Variants in ATAD2 observed in about 807,000 individuals in gnomAD.
ATAD2 encodes the protein ATPase family AAA domain containing 2, also known as ATPase family AAA domain-containing protein 2.
ATAD2 carries 62 observed loss-of-function variants against 168.9 expected under a neutral mutation model. That is an observed-to-expected ratio of 0.37 (90% confidence interval 0.30 to 0.45). The LOEUF is 0.45. Ranked by LOEUF, ATAD2 falls within the 20% of genes least tolerant of loss-of-function variation. The probability of loss-of-function intolerance (pLI) is 1.00; values close to 1 mark genes in which losing one functional copy is unlikely to be tolerated. For synonymous variants in ATAD2, 613 were observed against 571.6 expected, an observed-to-expected ratio of 1.07 and a Z score of -1.03; for missense variants, 1,419 against 1,667.8, an observed-to-expected ratio of 0.85 and a Z score of 2.60.
Position 123,339,394 on chromosome 8 carries a change from G to A in ATAD2, c.2771C>T (p.Pro924Leu), listed in dbSNP as rs1461653121. 2.5e-6 allele frequency: 4 copies of A among 1,600,668 alleles called. No homozygotes were observed. The highest frequency in any genetic ancestry group is 1.3e-5 in the African/African-American group (1 of 74,368). Residue 924 changes from proline to leucine, a missense_variant, in exon 20 of 28, where the codon CCG becomes CTG. Physicochemically the swap from Pro to Leu is moderately conservative, Grantham distance 98. This residue lies in a region of ATAD2 where 545 missense variants were observed against 724.9 expected (regional missense o/e 0.75). Coordinates refer to ENST00000287394, the MANE Select transcript of ATAD2 (RefSeq NM_014109.4). ...DYGEIFNVQL[P>L]DKEERTKFFE... ...AAATTTTGTCCGTTCTTCTTTATCC[G>A]GTAACTGGACATTAAAAATCTCTCC...
intron 2 of ATAD2, among the ~76,000 whole-genome samples, chr8:123,377,066 G>A (rs1829335813): frequency 9.3e-6 from 1 of 107,402 alleles, no homozygotes; most frequent in African/African-American, 3.6e-5. Flanking sequence ...ACTCCAGCCT[G>A]GGCAAAAAGA....
intron 1 of ATAD2, among the ~76,000 whole-genome samples, chr8:123,390,953 G>C (rs1190558430): frequency 6.6e-6 from 1 of 152,170 alleles, no homozygotes; most frequent in African/African-American, 2.4e-5. Context: ...CCACGAGGCA[G>C]AGGTTGCAGT....
At chr8:123,367,366 G>A (rs1829011810) in intron 8 of ATAD2, among the ~76,000 whole-genome samples, 1 of 152,162 alleles carries the variant, frequency 6.6e-6, no homozygotes, top group Non-Finnish European at 1.5e-5. Flanking sequence ...GCAGTGAGCC[G>A]AGATCGCGCC....
chr8:123,327,801 T>C (rs1037042757), intron 25 of ATAD2, among the ~76,000 whole-genome samples: 1 of 152,206 alleles, frequency 6.6e-6, no homozygotes, highest in African/African-American at 2.4e-5. Flanking sequence ...GCAAGAATCA[T>C]AGCAGACTCT....
At chr8:123,411,151 G>A (rs1314279348) in intron 1 of ATAD2, among the ~76,000 whole-genome samples, 1 of 152,096 alleles carries the variant, frequency 6.6e-6, no homozygotes, top group East Asian at 1.9e-4. Context: ...TAACATTTTG[G>A]AGACCCTGAA....
In ATAD2 at chr8:123,321,121, T is replaced by C. The variant is rs1467594550; in HGVS notation, c.*13A>G. On this transcript the variant is annotated 3_prime_UTR_variant, in exon 28 of 28. Coordinates refer to ENST00000287394, the MANE Select transcript of ATAD2 (RefSeq NM_014109.4). ...GGAACTGAATATAAAGAATACTCGA[T>C]ACCATGACATCATCATCTGGAACAA... 6.2e-7 allele frequency: 1 copy of C among 1,607,804 alleles called. No individual in the cohort carries two copies. Among genetic ancestry groups the C allele is most frequent in the East Asian group, 2.2e-5 (1 of 44,508 alleles).
intron 24 of ATAD2, among the ~76,000 whole-genome samples, chr8:123,333,014 A>G (rs1330375674): frequency 1.3e-5 from 2 of 151,946 alleles, no homozygotes; most frequent in Non-Finnish European, 2.9e-5. Flanking sequence ...GAGGATGGAC[A>G]AACTTGCAAT....
At chr8:123,407,256 A>AT (rs1248333763) in intron 1 of ATAD2, among the ~76,000 whole-genome samples, 1 of 152,192 alleles carries the variant, frequency 6.6e-6, no homozygotes, top group African/African-American at 2.4e-5. Context: ...GAGAGAATAC[A>AT]TTCCTGGTTT....
chr8:123,415,873 G>A (rs757478109), intron 1 of ATAD2, among the ~76,000 whole-genome samples: 6 of 152,160 alleles, frequency 3.9e-5, no homozygotes, highest in African/African-American at 7.2e-5. Context: ...GATTACAGGC[G>A]TGAGCCACCG....
At chr8:123,391,857 C>T (rs1357902507) in intron 1 of ATAD2, among the ~76,000 whole-genome samples, 1 of 152,150 alleles carries the variant, frequency 6.6e-6, no homozygotes, top group Non-Finnish European at 1.5e-5. Flanking sequence ...AATCCAATCC[C>T]ATGCTCATTA....
At chr8:123,364,261 T>C (rs577183618) in intron 8 of ATAD2, among the ~76,000 whole-genome samples, 5 of 152,268 alleles carry the variant, frequency 3.3e-5, no homozygotes, top group African/African-American at 4.8e-5. Flanking sequence ...CAAAGGCCGC[T>C]AATAACTAGT....
chr8:123,363,623 C>T (rs1236892656), intron 8 of ATAD2, among the ~76,000 whole-genome samples: 1 of 152,126 alleles, frequency 6.6e-6, no homozygotes, highest in Non-Finnish European at 1.5e-5. Flanking sequence ...ATATGAAAAA[C>T]TAACTTATTC....
chr8:123,382,665 T>G (rs1412719063), intron 1 of ATAD2, among the ~76,000 whole-genome samples: 1 of 152,164 alleles, frequency 6.6e-6, no homozygotes, highest in African/African-American at 2.4e-5. Context: ...CTCACACCAG[T>G]TAGAATGGTG....
chr8:123,370,324 T>G (rs1048563683), intron 6 of ATAD2, among the ~76,000 whole-genome samples: 1 of 152,130 alleles, frequency 6.6e-6, no homozygotes, highest in Non-Finnish European at 1.5e-5. Flanking sequence ...AGTCTTTCCA[T>G]GAATTTCATT....
chr8:123,333,053 C>T (rs1357157865), intron 24 of ATAD2, among the ~76,000 whole-genome samples: 2 of 151,650 alleles, frequency 1.3e-5, no homozygotes, highest in African/African-American at 4.9e-5. Context: ...CCAGCAAACA[C>T]CGCTAACCCT....
In ATAD2 at chr8:123,396,406, T is replaced by G. The variant is rs564616272; in HGVS notation, c.-49A>C. On this transcript the variant is annotated 5_prime_UTR_variant, in exon 1 of 28. Transcript: ENST00000287394. ...GTGCGCGACCGGAGAGAGATCCAGC[T>G]CCAGGCGCTCGCAGCTCTGGCTCTT... is the stretch of plus-strand genomic sequence containing the variant. 2.1e-4 allele frequency: 313 copies of G among 1,480,942 alleles called. 3 individuals carry two copies. The South Asian group carries it at 2.2e-3, about 10-fold the overall frequency. 91.7% of individuals were successfully genotyped at this position (1,480,942 alleles called of 1,614,324 possible). A position where few individuals can be genotyped will look rare whatever the true frequency, so the allele number is the denominator to read the frequency against.
At chr8:123,339,782 T>A (rs1279381791) in intron 19 of ATAD2, among the ~76,000 whole-genome samples, 1 of 152,210 alleles carries the variant, frequency 6.6e-6, no homozygotes, top group Non-Finnish European at 1.5e-5. Flanking sequence ...AATGTTAGAT[T>A]TATGTATAAA....
At position 123,371,831 on chromosome 8, in the gene ATAD2, T is replaced by C; in HGVS notation, c.375A>G (p.Lys125=). 2 of 1,595,800 alleles carry C rather than the reference T, an allele frequency of 1.3e-6. No homozygotes were observed. The highest frequency in any genetic ancestry group is 1.3e-5 in the African/African-American group (1 of 74,316). ...DKKKEEHRED[K]VIPVTRSLRA... ...TCAATGACCGAGTAACTGGAATCAC[T>C]TTGTCTTCACAAATGCATACATAAA... Residue 125 remains lysine (K), a synonymous_variant, in exon 4 of 28, where the codon AAA becomes AAG. Coordinates refer to ENST00000287394, the MANE Select transcript of ATAD2 (RefSeq NM_014109.4).
chr8:123,345,574 C>T (rs1235288056), intron 18 of ATAD2, among the ~76,000 whole-genome samples: 1 of 150,906 alleles, frequency 6.6e-6, no homozygotes, highest in South Asian at 2.1e-4. Context: ...CCCAGCTACT[C>T]GGGAGGCTAA....
Sources: allele counts gnomAD v4.1 joint callset (sites outside exome capture counted in the v4.1 genomes callset), GRCh38; gene constraint gnomAD v4.1.1; regional missense constraint gnomAD v4.1.1; transcripts MANE v1.5; gene names NCBI Gene and HGNC (gene_info 2026-07-23, HGNC 2026-07-21).